SH3BGRL2: variants seen among roughly 807,000 people sequenced by gnomAD.
The protein encoded by SH3BGRL2 is SH3 domain-binding glutamic acid-rich-like protein 2.
In SH3BGRL2, 21 loss-of-function variants were observed where a neutral mutation model predicts 14.8. The ratio of observed to expected loss-of-function variants is 1.42; its 90% CI spans 1.01 to 2.05. SH3BGRL2 has a LOEUF of 2.05. Ranked by LOEUF, SH3BGRL2 falls within the 30% of genes most tolerant of loss-of-function variation. The pLI is 0.00. For synonymous variants in SH3BGRL2, 50 were observed against 47.8 expected, an observed-to-expected ratio of 1.05 and a Z score of -0.19; for missense variants, 147 against 130.8, an observed-to-expected ratio of 1.12 and a Z score of -0.61.
At chr6:79,692,571 A>T (rs1337797650) in intron 2 of SH3BGRL2, among the ~76,000 whole-genome samples, 1 of 152,218 alleles carries the variant, frequency 6.6e-6, no homozygotes, top group Non-Finnish European at 1.5e-5. Flanking sequence ...AGCTTTCTAC[A>T]TATGGCTAGC....
intron 3 of SH3BGRL2, among the ~76,000 whole-genome samples, chr6:79,699,087 T>G (rs2127740642): frequency 6.6e-6 from 1 of 150,518 alleles, no homozygotes. Context: ...GGGGTGGCAG[T>G]TGGGGGACTG....
the SH3BGRL2 span, among the ~76,000 whole-genome samples, chr6:79,592,871 T>C: frequency 6.6e-6 from 1 of 152,216 alleles, no homozygotes; most frequent in African/African-American, 2.4e-5. Flanking sequence ...TGAGCTTCTG[T>C]AGCCAGTAAG....
At chr6:79,631,541 C>A (rs757432042) in intron 1 of SH3BGRL2, 35 bp downstream of exon 1, 29 of 1,386,422 alleles carry the variant, frequency 2.1e-5, no homozygotes, top group Non-Finnish European at 2.5e-5. Flanking sequence ...AGGTTGGGGT[C>A]GCGGGGCGCG....
At chr6:79,684,526 A>G (rs1246289652) in intron 2 of SH3BGRL2, among the ~76,000 whole-genome samples, 2 of 152,124 alleles carry the variant, frequency 1.3e-5, no homozygotes, top group Non-Finnish European at 2.9e-5. Flanking sequence ...GAATGGGTAA[A>G]TGGTGTTTTC....
At chr6:79,659,698 G>C (rs1367476648) in intron 1 of SH3BGRL2, among the ~76,000 whole-genome samples, 1 of 152,066 alleles carries the variant, frequency 6.6e-6, no homozygotes, top group Admixed American at 6.5e-5. Context: ...AGCTTGATGG[G>C]GATAGCTTTT....
the SH3BGRL2 span, among the ~76,000 whole-genome samples, chr6:79,593,255 G>A: frequency 3.3e-5 from 5 of 152,152 alleles, no homozygotes; most frequent in Non-Finnish European, 7.3e-5. Flanking sequence ...GAAAATGCTA[G>A]AGATATATAA....
the SH3BGRL2 span, among the ~76,000 whole-genome samples, chr6:79,556,185 A>G: frequency 6.6e-6 from 1 of 152,218 alleles, no homozygotes; most frequent in Non-Finnish European, 1.5e-5. Context: ...CACTCAAAAA[A>G]GGTTGACAAA....
chr6:79,676,351 C>A (rs1769881902), intron 2 of SH3BGRL2, among the ~76,000 whole-genome samples: 1 of 152,128 alleles, frequency 6.6e-6, no homozygotes, highest in Non-Finnish European at 1.5e-5. Flanking sequence ...CTAACTGCTG[C>A]TTATACAGAC....
chr6:79,541,037 G>T, the SH3BGRL2 span, among the ~76,000 whole-genome samples: 85 of 152,278 alleles, frequency 5.6e-4, no homozygotes, highest in Non-Finnish European at 7.2e-4. Flanking sequence ...CAGATCACTT[G>T]AGGTGAGGAG....
At chr6:79,693,119 A>T (rs1453209789) in intron 2 of SH3BGRL2, among the ~76,000 whole-genome samples, 1 of 152,048 alleles carries the variant, frequency 6.6e-6, no homozygotes, top group Non-Finnish European at 1.5e-5. Context: ...CTTTGAAGCA[A>T]TTGTGAATGG....
At chr6:79,599,682 C>T in the SH3BGRL2 span, among the ~76,000 whole-genome samples, 1 of 152,164 alleles carries the variant, frequency 6.6e-6, no homozygotes, top group African/African-American at 2.4e-5. Context: ...AGCTGTGGAA[C>T]GGATTCAATT....
At chr6:79,586,232 C>CTTGTTTTT in the SH3BGRL2 span, among the ~76,000 whole-genome samples, 2 of 71,590 alleles carry the variant, frequency 2.8e-5, no homozygotes, top group Non-Finnish European at 5.2e-5. Flanking sequence ...TATGTATGGA[C>CTTGTTTTT]TTCTTTTTTT....
the SH3BGRL2 span, among the ~76,000 whole-genome samples, chr6:79,582,566 A>G: frequency 6.6e-6 from 1 of 152,160 alleles, no homozygotes; most frequent in Non-Finnish European, 1.5e-5. Flanking sequence ...GTGGTGCTGG[A>G]AAAACTGACT....
chr6:79,645,556 T>G (rs1769124579), intron 1 of SH3BGRL2, among the ~76,000 whole-genome samples: 1 of 152,172 alleles, frequency 6.6e-6, no homozygotes, highest in Non-Finnish European at 1.5e-5. Context: ...TCTGAGCCAT[T>G]TGTTACTGAG....
At chr6:79,537,893 A>G in the SH3BGRL2 span, among the ~76,000 whole-genome samples, 1 of 151,856 alleles carries the variant, frequency 6.6e-6, no homozygotes, top group African/African-American at 2.4e-5. Context: ...GGGTGAGTGC[A>G]CTATTGTTCC....
the SH3BGRL2 span, among the ~76,000 whole-genome samples, chr6:79,577,445 C>T: frequency 6.6e-6 from 1 of 152,022 alleles, no homozygotes; most frequent in Non-Finnish European, 1.5e-5. Context: ...TATACTAAAC[C>T]CTTTACTATG....
the SH3BGRL2 span, among the ~76,000 whole-genome samples, chr6:79,577,261 C>T: frequency 1.3e-5 from 2 of 152,184 alleles, no homozygotes; most frequent in Non-Finnish European, 2.9e-5. Flanking sequence ...TATCACACTT[C>T]CTTGTTTACT....
chr6:79,621,233 TG>T, the SH3BGRL2 span, among the ~76,000 whole-genome samples: 2 of 152,360 alleles, frequency 1.3e-5, no homozygotes, highest in South Asian at 4.1e-4. Context: ...GATGCTGCTA[TG>T]GTCTGAATGT....
At chr6:79,591,002 C>A in the SH3BGRL2 span, among the ~76,000 whole-genome samples, 1,976 of 152,248 alleles carry the variant, frequency 0.013, 26 homozygotes, top group Non-Finnish European at 0.023. Flanking sequence ...ATAATAACAT[C>A]TGAATACCAG....
Sources: allele counts gnomAD v4.1 joint callset (sites outside exome capture counted in the v4.1 genomes callset), GRCh38; gene constraint gnomAD v4.1.1; transcripts MANE v1.5; gene names NCBI Gene and HGNC (gene_info 2026-07-23, HGNC 2026-07-21).